The following SLIRP variants were observed in gnomAD, a reference collection of about 807,000 sequenced individuals.
SLIRP encodes the protein SRA stem-loop-interacting RNA-binding protein, mitochondrial.
In SLIRP, 12 loss-of-function variants were observed where a neutral mutation model predicts 13.4. That is an observed-to-expected ratio of 0.89 (90% CI 0.57 to 1.45). The LOEUF is 1.45. Ranked by LOEUF, SLIRP falls within the 40% of genes most tolerant of loss-of-function variation. The probability of loss-of-function intolerance (pLI) is 0.00; values close to 1 mark genes in which losing one functional copy is unlikely to be tolerated. For synonymous variants in SLIRP, 55 were observed against 47.1 expected (o/e 1.17, Z -0.69); for missense variants, 154 against 132.2 (o/e 1.17, Z -0.81).
At chr14:77,713,908 T>C (rs543689496) in intron 2 of SLIRP, among the ~76,000 whole-genome samples, 16 of 152,202 alleles carry the variant, frequency 1.1e-4, no homozygotes, top group Non-Finnish European at 1.6e-4. Context: ...CTGCAAAGAA[T>C]AGATCTTAGA....
rs754571345 is a variant in SLIRP at position 77,715,803 on chromosome 14, G to T, written c.188G>T (p.Gly63Val). ...DKETGFHRGL[G>V]WVQFSSEEGL... ...GAGACTGGCTTTCACAGAGGTTTGG[G>T]TTGGGTTCAGTTTTCTTCAGAAGAA... is the stretch of plus-strand genomic sequence containing the variant. Residue 63 changes from glycine (G) to valine (V), a missense_variant, in exon 3 of 4, where the codon GGT becomes GTT. Physicochemically the swap from Gly to Val is moderately radical, Grantham distance 109 (BLOSUM62 -3). Coordinates refer to ENST00000557342, the MANE Select transcript of SLIRP (RefSeq NM_031210.6). 2 of 1,613,956 alleles carry T rather than the reference G, an allele frequency of 1.2e-6. No homozygotes were observed. The highest frequency in any genetic ancestry group is 1.7e-6 in the Non-Finnish European group (2 of 1,180,004).
Position 77,717,477 on chromosome 14 carries a change from C to G in SLIRP, c.265-19C>G, listed in dbSNP as rs531538319. On this transcript the variant is annotated intron_variant, in intron 3 of 3. Transcript: ENST00000557342. ...TGCAGACATTGCCTTTCCTCCCTTA[C>G]AGTGCTTATTTTTTTAAGGTCCAGG... 4.3e-5 allele frequency: 70 copies of G among 1,609,884 alleles called. No homozygotes were observed. The South Asian group carries it at 6.5e-4, about 15-fold the overall frequency.
At chr14:77,713,882 A>G (rs1308290898) in intron 2 of SLIRP, among the ~76,000 whole-genome samples, 1 of 152,250 alleles carries the variant, frequency 6.6e-6, no homozygotes, top group Non-Finnish European at 1.5e-5. Flanking sequence ...TTATTGGTCC[A>G]TAAATAAAAT....
intron 2 of SLIRP, among the ~76,000 whole-genome samples, chr14:77,712,627 G>T (rs1417978755): frequency 6.6e-6 from 1 of 152,036 alleles, no homozygotes; most frequent in Non-Finnish European, 1.5e-5. Context: ...TGTATTTTTA[G>T]TAGAGATGGA....
chr14:77,716,996 C>T (rs1333876545), intron 3 of SLIRP, among the ~76,000 whole-genome samples: 1 of 152,070 alleles, frequency 6.6e-6, no homozygotes, highest in Non-Finnish European at 1.5e-5. Context: ...AACTCCTGAC[C>T]TCAGGCAATC....
At chr14:77,710,538 T>C (rs1478117541) in intron 1 of SLIRP, 8 of 1,375,580 alleles carry the variant, frequency 5.8e-6, no homozygotes, top group East Asian at 7.1e-5. Context: ...TTTTTCTTCA[T>C]TGTGATCTGC....
At chr14:77,710,805 T>A (rs767997518) in intron 1 of SLIRP, 33 bp from the exon 2 acceptor site, 8 of 1,613,300 alleles carry the variant, frequency 5.0e-6, no homozygotes, top group Non-Finnish European at 6.8e-6. Flanking sequence ...CAAAATATAG[T>A]AACTACTTTT....
At position 77,717,204 on chromosome 14, in the gene SLIRP, T is replaced by C. The variant is rs148282894; in HGVS notation, c.265-292T>C. Among the ~76,000 whole-genome samples the C allele has an allele frequency of 6.0e-4, 91 of 152,320 alleles. No homozygotes were observed. The East Asian group carries it at 0.017, about 29-fold the overall frequency. ...AGGGCCTTGCTATGTTGCAGGGTGG[T>C]GTTGAACTCCTGGCCTCAAGCAATC... On this transcript the variant is annotated intron_variant, in intron 3 of 3. Transcript: ENST00000557342.
intron 3 of SLIRP, among the ~76,000 whole-genome samples, chr14:77,716,521 C>T (rs369687732): frequency 6.9e-4 from 100 of 145,782 alleles, no homozygotes; most frequent in African/African-American, 2.3e-3. Flanking sequence ...CGTGGTGGCA[C>T]ATGCCTGTAG....
chr14:77,710,823 T>A lies in SLIRP; in HGVS notation c.98-15T>A, dbSNP rs772977962. On this transcript the variant is annotated splice_polypyrimidine_tract_variant and intron_variant, in intron 1 of 3. Coordinates refer to ENST00000557342, the MANE Select transcript of SLIRP (RefSeq NM_031210.6). Reference sequence around the variant, plus strand: ...AATATAGTAACTACTTTTAATGTTTTCTTCTGCCACACAGGTCAGCTGAAA... The same window carrying A: ...AATATAGTAACTACTTTTAATGTTTACTTCTGCCACACAGGTCAGCTGAAA... The A allele has an allele frequency of 1.9e-6, 3 of 1,614,090 alleles. No individual in the cohort carries two copies. The highest frequency in any genetic ancestry group is 2.5e-6 in the Non-Finnish European group (3 of 1,179,950).
At position 77,715,660 on chromosome 14, in the gene SLIRP, T is replaced by A. The variant is rs181313580; in HGVS notation, c.157-112T>A. On this transcript the variant is annotated intron_variant, in intron 2 of 3. Coordinates refer to ENST00000557342, the MANE Select transcript of SLIRP (RefSeq NM_031210.6). The stretch of plus-strand genomic sequence containing the variant: ...ACCCTGCCTAAAAATAAAATAAAAT[T>A]AAATTAAAAAGTCCGATTTTTGGCA... The A allele has an allele frequency of 3.8e-4, 330 of 870,678 alleles. 1 individual carries two copies. The African/African-American group carries it at 4.4e-3, about 12-fold the overall frequency. 53.9% of individuals were successfully genotyped at this position (870,678 alleles called of 1,614,324 possible).
At chr14:77,708,285 C>CTTAA in intron 1 of SLIRP, 77 bp downstream of exon 1, 1 of 1,443,918 alleles carries the variant, frequency 6.9e-7, no homozygotes, top group South Asian at 1.2e-5. Flanking sequence ...TTGCAGGGTA[C>CTTAA]TTAAGTCAGC....
chr14:77,712,565 C>G (rs2080449000), intron 2 of SLIRP, among the ~76,000 whole-genome samples: 1 of 151,866 alleles, frequency 6.6e-6, no homozygotes, highest in African/African-American at 2.4e-5. Context: ...CTGCCTCAGC[C>G]TCCTGAGTAG....
At chr14:77,708,397 C>G (rs767635864) in intron 1 of SLIRP, among the ~76,000 whole-genome samples, 189 bp downstream of exon 1, 20 of 152,180 alleles carry the variant, frequency 1.3e-4, no homozygotes, top group Middle Eastern at 3.2e-3. Context: ...CTTTTGGGGT[C>G]ACGAATGCAC....
chr14:77,711,309 T>TG (rs1418696846), intron 2 of SLIRP, among the ~76,000 whole-genome samples: 1 of 150,040 alleles, frequency 6.7e-6, no homozygotes, highest in Non-Finnish European at 1.5e-5. Context: ...CAAAAATTGT[T>TG]GAAAAAAAAG....
At position 77,708,418 on chromosome 14, in the gene SLIRP, C is replaced by T. The variant is rs2080413290; in HGVS notation, c.97+210C>T. Among the ~76,000 whole-genome samples, 3 of 152,130 alleles carry T rather than the reference C, an allele frequency of 2.0e-5. 1 individual carries two copies. The South Asian group carries it at 6.2e-4, about 32-fold the overall frequency. ...GGGTCACGAATGCACCGGCTCTTGC[C>T]TTTAGGAGTGATTTGGTGTAAAGAT... On this transcript the variant is annotated intron_variant, in intron 1 of 3. Coordinates refer to ENST00000557342, the MANE Select transcript of SLIRP (RefSeq NM_031210.6).
At chr14:77,708,993 G>A (rs1321213104) in intron 1 of SLIRP, among the ~76,000 whole-genome samples, 1 of 152,202 alleles carries the variant, frequency 6.6e-6, no homozygotes, top group Non-Finnish European at 1.5e-5. Context: ...CGATAAAATG[G>A]AGTCAATAAT....
chr14:77,708,210 T>G lies in SLIRP; in HGVS notation c.97+2T>G. The G allele has an allele frequency of 1.2e-6, 2 of 1,613,886 alleles. No individual in the cohort carries two copies. Among genetic ancestry groups the G allele is most frequent in the East Asian group, 4.5e-5 (2 of 44,866 alleles). ...GAATTCCTTGGACTGCGGCGTCGAGTGAGTGATGGAGATGTGGGAGTAGTG... is the reference window on the plus strand; with the variant it reads ...GAATTCCTTGGACTGCGGCGTCGAGGGAGTGATGGAGATGTGGGAGTAGTG... On this transcript the variant is annotated splice_donor_variant, in intron 1 of 3. Coordinates refer to ENST00000557342, the MANE Select transcript of SLIRP (RefSeq NM_031210.6). LOFTEE classifies it high-confidence loss of function.
chr14:77,709,332 AAGTT>A (rs2080422115), intron 1 of SLIRP, among the ~76,000 whole-genome samples: 1 of 152,160 alleles, frequency 6.6e-6, no homozygotes, highest in Admixed American at 6.6e-5. Flanking sequence ...AGTTTCTTCT[AAGTT>A]TTTAGTGGCT....
Sources: allele counts gnomAD v4.1 joint callset (sites outside exome capture counted in the v4.1 genomes callset), GRCh38; gene constraint gnomAD v4.1.1; transcripts MANE v1.5; gene names NCBI Gene and HGNC (gene_info 2026-07-23, HGNC 2026-07-21).